DAPP1: variants seen among roughly 807,000 people sequenced by gnomAD.
DAPP1 encodes dual adaptor of phosphotyrosine and 3-phosphoinositides 1.
DAPP1 carries 20 observed loss-of-function variants against 41.5 expected under a neutral mutation model. That is an observed-to-expected ratio of 0.48 (90% confidence interval 0.34 to 0.70). DAPP1 has a LOEUF of 0.70. Among genes scored for constraint, DAPP1 ranks in the 30% least tolerant of loss-of-function variants. DAPP1 has a pLI of 0.01. For missense variants in DAPP1, 233 were observed against 333.4 expected (o/e 0.70, Z 2.35); for synonymous variants, 113 against 116.2 (o/e 0.97, Z 0.18).
intron 1 of DAPP1, among the ~76,000 whole-genome samples, chr4:99,822,320 GGA>G (rs1722800085): frequency 6.6e-6 from 1 of 152,162 alleles, no homozygotes; most frequent in African/African-American, 2.4e-5. Context: ...GCAGCATAGA[GGA>G]GACTACAATA....
intron 1 of DAPP1, among the ~76,000 whole-genome samples, chr4:99,828,752 T>G (rs1353266898): frequency 6.6e-6 from 1 of 152,238 alleles, no homozygotes; most frequent in Non-Finnish European, 1.5e-5. Flanking sequence ...AGTTTTTTAC[T>G]GTATCATGGA....
At chr4:99,839,693 G>T (rs988201305) in intron 2 of DAPP1, among the ~76,000 whole-genome samples, 7 of 152,108 alleles carry the variant, frequency 4.6e-5, no homozygotes, top group African/African-American at 1.7e-4. Context: ...ATGCCCCTTA[G>T]CAGCATAATG....
At chr4:99,849,833 G>T (rs1723793257) in intron 3 of DAPP1, among the ~76,000 whole-genome samples, 1 of 152,200 alleles carries the variant, frequency 6.6e-6, no homozygotes, top group Non-Finnish European at 1.5e-5. Context: ...GTAGTAGGGA[G>T]CCAGAAGGGA....
At chr4:99,820,030 C>G (rs149531936) in intron 1 of DAPP1, among the ~76,000 whole-genome samples, 181 of 152,268 alleles carry the variant, frequency 1.2e-3, no homozygotes, top group African/African-American at 4.1e-3. Flanking sequence ...TTTCTTTCAT[C>G]TAAAATACAT....
At chr4:99,836,768 A>C (rs532947033) in intron 2 of DAPP1, among the ~76,000 whole-genome samples, 1 of 152,338 alleles carries the variant, frequency 6.6e-6, no homozygotes, top group South Asian at 2.1e-4. Flanking sequence ...ACAAATTATC[A>C]AAAACTTAGG....
intron 5 of DAPP1, among the ~76,000 whole-genome samples, chr4:99,862,727 T>C (rs1003346114): frequency 1.1e-4 from 9 of 80,816 alleles, no homozygotes; most frequent in African/African-American, 2.5e-4. Context: ...GCCTTCATTA[T>C]GAGCTTAATG....
intron 4 of DAPP1, among the ~76,000 whole-genome samples, chr4:99,858,692 T>G (rs983142262): frequency 6.6e-6 from 1 of 152,238 alleles, no homozygotes; most frequent in Non-Finnish European, 1.5e-5. Context: ...TCTCTGATTT[T>G]CTTATTCCTT....
chr4:99,852,212 A>G (rs1234826945), intron 3 of DAPP1, among the ~76,000 whole-genome samples: 1 of 152,218 alleles, frequency 6.6e-6, no homozygotes, highest in Non-Finnish European at 1.5e-5. Flanking sequence ...TGCCTGGCAG[A>G]GTGCAAAGCT....
intron 3 of DAPP1, among the ~76,000 whole-genome samples, chr4:99,851,457 A>G (rs1723856483): frequency 6.6e-6 from 1 of 151,692 alleles, no homozygotes; most frequent in African/African-American, 2.4e-5. Context: ...GGGCCCAAGT[A>G]TCAAAAGCCA....
rs777502376 is a variant in DAPP1, at chr4:99,866,561, A to C, written c.774+440A>C. 16 of 766,314 alleles carry C rather than the reference A, an allele frequency of 2.1e-5. No individual in the cohort carries two copies. The Admixed American group carries it at 2.5e-4, about 12-fold the overall frequency. The allele number at this position is 766,314 out of a possible 1,614,324, so 47.5% of individuals were successfully genotyped here. A position where few individuals can be genotyped will look rare whatever the true frequency, so the allele number is the denominator to read the frequency against. ...TGTAAGCATCACTTTGTGCAGGTCA[A>C]GGACAAAAGCTGATTTATTTTGTCT... On this transcript the variant is annotated intron_variant, in intron 8 of 8. Coordinates refer to ENST00000512369, the MANE Select transcript of DAPP1 (RefSeq NM_014395.3).
intron 4 of DAPP1, among the ~76,000 whole-genome samples, chr4:99,855,398 T>G (rs1724010789): frequency 6.6e-6 from 1 of 152,226 alleles, no homozygotes; most frequent in African/African-American, 2.4e-5. Context: ...GTGAGATTGG[T>G]GTGAGCAGAA....
rs796947680 is a variant in DAPP1 at position 99,863,715 on chromosome 4, T to C, written c.601-55T>C. The C allele has an allele frequency of 1.3e-5, 15 of 1,137,422 alleles. No individual in the cohort carries two copies. The South Asian group carries it at 1.6e-4, about 12-fold the overall frequency. 70.5% of individuals were successfully genotyped at this position (1,137,422 alleles called of 1,614,324 possible). A position where few individuals can be genotyped will look rare whatever the true frequency, so the allele number is the denominator to read the frequency against. On this transcript the variant is annotated intron_variant, in intron 6 of 8. Coordinates refer to ENST00000512369, the MANE Select transcript of DAPP1 (RefSeq NM_014395.3). ...GGGGAATAAGTGAGGGACAGATTTG[T>C]CTGTTTTTTTTTTTTTTTTTAATGG...
chr4:99,827,449 C>A (rs1055026689), intron 1 of DAPP1, among the ~76,000 whole-genome samples: 1 of 151,646 alleles, frequency 6.6e-6, no homozygotes, highest in East Asian at 1.9e-4. Flanking sequence ...AGGAGAATGG[C>A]GTGAACCCGG....
chr4:99,835,039 C>T (rs1723249164), intron 1 of DAPP1, among the ~76,000 whole-genome samples: 1 of 149,898 alleles, frequency 6.7e-6, no homozygotes, highest in Non-Finnish European at 1.5e-5. Context: ...GATGGAATTG[C>T]ACTCTGTTAC....
At chr4:99,820,257 T>G (rs773500844) in intron 1 of DAPP1, among the ~76,000 whole-genome samples, 2 of 151,894 alleles carry the variant, frequency 1.3e-5, no homozygotes, top group Non-Finnish European at 2.9e-5. Flanking sequence ...TATGGCAAAA[T>G]AAAACAAGTA....
chr4:99,847,839 G>C (rs2110153533), intron 3 of DAPP1, among the ~76,000 whole-genome samples: 1 of 145,908 alleles, frequency 6.9e-6, no homozygotes, highest in East Asian at 2.1e-4. Context: ...TTTTGAGACA[G>C]AGTCTCACTC....
chr4:99,819,542 G>A (rs529799816), intron 1 of DAPP1, among the ~76,000 whole-genome samples: 13 of 152,188 alleles, frequency 8.5e-5, no homozygotes, highest in African/African-American at 2.2e-4. Context: ...AACATAACTC[G>A]AACATTATAA....
intron 1 of DAPP1, among the ~76,000 whole-genome samples, chr4:99,833,434 G>C (rs1723189272): frequency 1.3e-5 from 2 of 152,250 alleles, no homozygotes. Context: ...TAGAAAATAG[G>C]TATCTTGGAG....
intron 1 of DAPP1, among the ~76,000 whole-genome samples, chr4:99,821,151 C>G (rs1376259035): frequency 6.6e-6 from 1 of 152,234 alleles, no homozygotes; most frequent in African/African-American, 2.4e-5. Context: ...CCCATGCTGA[C>G]TTCACAAACC....
Sources: gnomAD v4.1 joint callset for allele counts (sites outside exome capture counted in the v4.1 genomes callset) on GRCh38, gnomAD v4.1.1 for gene constraint, MANE v1.5 for transcripts, NCBI Gene and HGNC (gene_info 2026-07-23, HGNC 2026-07-21) for gene names.